The following GLUL variants were observed in gnomAD, a reference collection of about 807,000 sequenced individuals.
The protein encoded by GLUL is glutamate-ammonia ligase.
A neutral mutation model predicts 36.9 loss-of-function variants in GLUL; 8 were observed. That is an observed-to-expected ratio of 0.22 (90% CI 0.13 to 0.39). The LOEUF (loss-of-function observed/expected upper bound fraction) is 0.39, where lower values mean the gene tolerates loss of function less well. Ranked by LOEUF, GLUL falls within the 10% of genes least tolerant of loss-of-function variation. The pLI is 1.00. For synonymous variants in GLUL, 182 were observed against 172.8 expected (o/e 1.05, Z -0.42); for missense variants, 315 against 501.8 (o/e 0.63, Z 3.56).
Position 182,388,912 on chromosome 1 carries a change from AG to A in GLUL, c.-13-163del, listed in dbSNP as rs1650294572. On this transcript the variant is annotated intron_variant, in intron 1 of 6. Coordinates refer to ENST00000331872, the MANE Select transcript of GLUL (RefSeq NM_001033044.4). Reference sequence around the variant, plus strand: ...AAAAGTTATGTTTACTCACTCTTTCAGGGGGATTAGTTTTATAGTAGGCAAA... The same window carrying A: ...AAAAGTTATGTTTACTCACTCTTTCAGGGGATTAGTTTTATAGTAGGCAAA... 4.5e-6 allele frequency: 3 copies of A among 665,036 alleles called. No individual in the cohort carries two copies. In the South Asian group the frequency reaches 4.8e-5, roughly 11 times the overall value. 41.2% of individuals were successfully genotyped at this position (665,036 alleles called of 1,614,324 possible). A position where few individuals can be genotyped will look rare whatever the true frequency, so the allele number is the denominator to read the frequency against.
intron 3 of GLUL, 126 bp downstream of exon 3, chr1:182,387,001 ATCAC>A: frequency 1.3e-6 from 1 of 776,584 alleles, no homozygotes. Flanking sequence ...AGGGAAAAGA[ATCAC>A]TCAGATTCTT....
In GLUL at chr1:182,387,290, A is replaced by C; in HGVS notation, c.169T>G (p.Leu57Val). ...LDSEPKCVEE[L>V]PEWNFDGSST... The stretch of plus-strand genomic sequence containing the variant: ...GAGCCATCGAAATTCCACTCAGGCA[A>C]CTCTGGGGCAAAAAGAGGGAAAATT... The change falls in exon 3 of 7, where the codon TTG (leucine) becomes GTG (valine). Residue 57 changes from leucine to valine, a missense_variant and splice_region_variant. Physicochemically the swap from Leu to Val is conservative, Grantham distance 32. Transcript: ENST00000331872. The C allele has an allele frequency of 1.2e-6, 2 of 1,611,802 alleles. No individual in the cohort carries two copies. The highest frequency in any genetic ancestry group is 1.7e-6 in the Non-Finnish European group (2 of 1,177,914).
chr1:182,390,951 C>A, intron 1 of GLUL: 1 of 398,256 alleles, frequency 2.5e-6, no homozygotes, highest in East Asian at 3.6e-5. Flanking sequence ...GGGCCCCCGT[C>A]CGAATCTCAG....
chr1:182,390,365 A>G (rs1209621535), intron 1 of GLUL: 2 of 397,782 alleles, frequency 5.0e-6, no homozygotes, highest in Non-Finnish European at 8.8e-6. Flanking sequence ...GCATGCCAGC[A>G]GCCTAGTGCC....
chr1:182,389,094 G>A, intron 1 of GLUL: 1 of 350,872 alleles, frequency 2.9e-6, no homozygotes, highest in Non-Finnish European at 5.6e-6. Context: ...GCAGAACCCA[G>A]GCTTCCAAGC....
intron 1 of GLUL, chr1:182,389,425 G>C (rs1350710742): frequency 6.5e-6 from 1 of 153,150 alleles, no homozygotes; most frequent in Non-Finnish European, 1.5e-5. Context: ...AAGGCTAGCA[G>C]TTTCCTACAC....
At chr1:182,388,892 T>G in intron 1 of GLUL, 142 bp from the exon 2 acceptor site, 1 of 711,716 alleles carries the variant, frequency 1.4e-6, no homozygotes, top group South Asian at 1.5e-5. Context: ...ACACAAAAAG[T>G]TATGTTTACT....
rs369163158 is a variant in GLUL at position 182,385,595 on chromosome 1, T to C, written c.604-39A>G. Reference sequence around the variant, plus strand: ...GCTTGGCCATTAAAACAAAGCTAACTGCTCACTCCAACTCAGAATCTCCTA... The same window carrying C: ...GCTTGGCCATTAAAACAAAGCTAACCGCTCACTCCAACTCAGAATCTCCTA... On this transcript the variant is annotated intron_variant, in intron 5 of 6. Coordinates refer to ENST00000331872, the MANE Select transcript of GLUL (RefSeq NM_001033044.4). 54 of 1,576,938 alleles carry C rather than the reference T, an allele frequency of 3.4e-5. 1 individual carries two copies. The highest frequency in any genetic ancestry group is 4.5e-5 in the Non-Finnish European group (52 of 1,146,294).
At chr1:182,388,008 T>A (rs1203661582) in intron 2 of GLUL, among the ~76,000 whole-genome samples, 1 of 152,246 alleles carries the variant, frequency 6.6e-6, no homozygotes, top group Non-Finnish European at 1.5e-5. Flanking sequence ...GAGGGAAGAC[T>A]ATGGCTTGTT....
At chr1:182,387,021 AG>A in intron 3 of GLUL, 109 bp downstream of exon 3, 1 of 850,000 alleles carries the variant, frequency 1.2e-6, no homozygotes, top group Admixed American at 1.7e-5. Flanking sequence ...TTCTTAAAAT[AG>A]TGCTGAAATT....
At position 182,378,907 on chromosome 1, in the gene GLUL, G is replaced by A. The variant is rs749827657; in HGVS notation, c.*5498C>T. ...ATTCTCCTGCCTCAGCCTGCCACTCGGCAGGGTGGGATTACAGGTGCTCAC... is the reference window on the plus strand; with the variant it reads ...ATTCTCCTGCCTCAGCCTGCCACTCAGCAGGGTGGGATTACAGGTGCTCAC... On this transcript the variant is annotated 3_prime_UTR_variant, in exon 7 of 7. Transcript: ENST00000331872. Among the ~76,000 whole-genome samples, 21 of 151,162 alleles carry A rather than the reference G, an allele frequency of 1.4e-4. No homozygotes were observed. Among genetic ancestry groups the A allele is most frequent in the Middle Eastern group, 3.5e-3 (1 of 284 alleles).
chr1:182,388,515 G>A, intron 2 of GLUL, 57 bp downstream of exon 2: 1 of 1,464,272 alleles, frequency 6.8e-7, no homozygotes, highest in Non-Finnish European at 9.6e-7. Flanking sequence ...AAAGGCTGCT[G>A]CCCACCCCTC....
At position 182,382,492 on chromosome 1, in the gene GLUL, T is replaced by A. The variant is rs4517308; in HGVS notation, c.*1913A>T. ...GGTAGCAGGGTAGCTAATATTTGTTTCTTATCACTGAGAGCAGAGAATAGA... is the reference window on the plus strand; with the variant it reads ...GGTAGCAGGGTAGCTAATATTTGTTACTTATCACTGAGAGCAGAGAATAGA... On this transcript the variant is annotated 3_prime_UTR_variant, in exon 7 of 7. Coordinates refer to ENST00000331872, the MANE Select transcript of GLUL (RefSeq NM_001033044.4). 0.84 allele frequency: 127,178 copies of A among 151,718 alleles called. 53,534 individuals are homozygous for A. The highest frequency in any genetic ancestry group is 0.93 in the Middle Eastern group (265 of 284). The allele number at this position is 151,718 out of a possible 1,614,324, so 9.4% of individuals were successfully genotyped here.
chr1:182,384,670 C>A lies in GLUL; in HGVS notation c.857G>T (p.Arg286Leu), dbSNP rs181868091. ...CAGGCCTCCCTTGGGATCATAGGCA[C>A]GGATGTGGTACTGGTGCCGCTTGCT... ...KLSKRHQYHI[R>L]AYDPKGGLDN... Residue 286 changes from arginine to leucine, a missense_variant, in exon 7 of 7, where the codon CGT (arginine) becomes CTT (leucine). Around this residue, in one of 3 missense-constraint regions of GLUL, gnomAD observed 256 missense variants for 396.1 expected, o/e 0.65. Coordinates refer to ENST00000331872, the MANE Select transcript of GLUL (RefSeq NM_001033044.4). The A allele has an allele frequency of 6.2e-7, 1 of 1,614,056 alleles. No individual in the cohort carries two copies. The highest frequency in any genetic ancestry group is 2.2e-5 in the East Asian group (1 of 44,888).
At chr1:182,388,932 A>T (rs775985318) in intron 1 of GLUL, 182 bp from the exon 2 acceptor site, 2 of 613,294 alleles carry the variant, frequency 3.3e-6, no homozygotes, top group Non-Finnish European at 5.9e-6. Flanking sequence ...GTTTTATAGT[A>T]GGCAAAAATC....
In GLUL at chr1:182,384,629, G is replaced by A. The variant is rs756233548; in HGVS notation, c.898C>T (p.Leu300=). 1 of 1,614,194 alleles carries A rather than the reference G, an allele frequency of 6.2e-7. No homozygotes were observed. Among genetic ancestry groups the A allele is most frequent in the African/African-American group, 1.3e-5 (1 of 75,050 alleles). ...TTGGAGGTTTCATGGAATCCAGTTA[G>A]ACGTCGGGCATTGTCCAGGCCTCCC... ...PKGGLDNARR[L]TGFHETSNIN... is the part of the protein sequence containing the mutation. The change falls in exon 7 of 7, where the codon CTA becomes TTA. Residue 300 remains leucine, a synonymous_variant. Coordinates refer to ENST00000331872, the MANE Select transcript of GLUL (RefSeq NM_001033044.4).
Position 182,388,556 on chromosome 1 carries a change from C to G in GLUL, c.166+16G>C, listed in dbSNP as rs1650274269. 6.2e-7 allele frequency: 1 copy of G among 1,612,102 alleles called. No individual in the cohort carries two copies. Among genetic ancestry groups the G allele is most frequent in the Admixed American group, 1.7e-5 (1 of 59,978 alleles). ...ATCCCACCCAGCATGTGCTCCACTCCACATTGCTGTCTCACCTTCCACACA... is the reference window on the plus strand; with the variant it reads ...ATCCCACCCAGCATGTGCTCCACTCGACATTGCTGTCTCACCTTCCACACA... On this transcript the variant is annotated intron_variant, in intron 2 of 6. Coordinates refer to ENST00000331872, the MANE Select transcript of GLUL (RefSeq NM_001033044.4).
Position 182,378,941 on chromosome 1 carries a change from C to T in GLUL, c.*5464G>A, listed in dbSNP as rs1000868450. ...GGATTACAGGTGCTCACCACCAAGC[C>T]CGGCTAATTTTTGTATTTTTAGTAG... is the stretch of plus-strand genomic sequence containing the variant. On this transcript the variant is annotated 3_prime_UTR_variant, in exon 7 of 7. Coordinates refer to ENST00000331872, the MANE Select transcript of GLUL (RefSeq NM_001033044.4). 6.6e-6 allele frequency among the ~76,000 whole-genome samples: 1 copy of T among 151,994 alleles called. No homozygotes were observed. The highest frequency in any genetic ancestry group is 2.4e-5 in the African/African-American group (1 of 41,374).
At chr1:182,388,119 T>C (rs1571409389) in intron 2 of GLUL, among the ~76,000 whole-genome samples, 1 of 152,158 alleles carries the variant, frequency 6.6e-6, no homozygotes, top group East Asian at 1.9e-4. Context: ...AACTAAAAAT[T>C]AGTCCTATTT....
Sources: gnomAD v4.1 joint callset for allele counts (sites outside exome capture counted in the v4.1 genomes callset) on GRCh38, gnomAD v4.1.1 for gene constraint, gnomAD v4.1.1 regional missense constraint, MANE v1.5 for transcripts, NCBI Gene and HGNC (gene_info 2026-07-23, HGNC 2026-07-21) for gene names.